GABRG2: variants seen among roughly 807,000 people sequenced by gnomAD.
GABRG2 encodes gamma-aminobutyric acid receptor subunit gamma-2.
Under a neutral mutation model 56.4 loss-of-function variants are expected in GABRG2, and 16 were observed. That is an observed-to-expected ratio of 0.28 (90% CI 0.19 to 0.43). GABRG2 has a LOEUF of 0.43. Among genes scored for constraint, GABRG2 ranks in the 20% least tolerant of loss-of-function variants. The pLI is 1.00. For missense variants in GABRG2, 327 were observed against 582.7 expected (o/e 0.56, Z 4.52); for synonymous variants, 208 against 205.5 (o/e 1.01, Z -0.10).
intron 6 of GABRG2, among the ~76,000 whole-genome samples, chr5:162,140,134 C>A (rs1345188706): frequency 6.6e-6 from 1 of 152,104 alleles, no homozygotes; most frequent in Non-Finnish European, 1.5e-5. Flanking sequence ...TAGATAAAAT[C>A]TATTATCATT....
intron 6 of GABRG2, among the ~76,000 whole-genome samples, chr5:162,136,969 G>A (rs964108263): frequency 6.6e-6 from 1 of 152,086 alleles, no homozygotes; most frequent in Admixed American, 6.5e-5. Flanking sequence ...GACCTCACAG[G>A]ACCTGGTTGG....
intron 1 of GABRG2, among the ~76,000 whole-genome samples, chr5:162,090,643 A>G (rs1235723091): frequency 6.6e-6 from 1 of 152,130 alleles, no homozygotes; most frequent in South Asian, 2.1e-4. Flanking sequence ...GATGACAAAA[A>G]TGTTTTTATT....
intron 4 of GABRG2, chr5:162,098,309 T>C (rs957612019): frequency 6.0e-6 from 1 of 167,750 alleles, no homozygotes; most frequent in African/African-American, 2.4e-5. Flanking sequence ...TTTCATCTCC[T>C]GGCACCCCAC....
At chr5:162,094,257 A>C (rs1760835180) in intron 2 of GABRG2, 1 of 431,464 alleles carries the variant, frequency 2.3e-6, no homozygotes. Context: ...AGGAAAAAAA[A>C]AACAATGACC....
At chr5:162,099,207 T>C (rs1273734351) in intron 4 of GABRG2, 3 of 152,212 alleles carry the variant, frequency 2.0e-5, no homozygotes, top group Admixed American at 2.0e-4. Flanking sequence ...TTCCAGGCAT[T>C]TTATATTTAT....
Position 162,097,685 on chromosome 5 carries a change from T to C in GABRG2, c.375T>C (p.Arg125=), listed in dbSNP as rs767423340. The stretch of plus-strand genomic sequence containing the variant: ...TTGCGCAAACGTGGTATGACAGACG[T>C]TTGAAATTTAACAGCACCATTAAAG... ...IFFAQTWYDR[R]LKFNSTIKVL... is the part of the protein sequence containing the mutation. The change falls in exon 4 of 10, where the codon CGT becomes CGC. Residue 125 remains arginine (R), a synonymous_variant. Coordinates refer to ENST00000639213, the MANE Select transcript of GABRG2 (RefSeq NM_198904.4). 1 of 1,613,778 alleles carries C rather than the reference T, an allele frequency of 6.2e-7. No homozygotes were observed. The highest frequency in any genetic ancestry group is 8.5e-7 in the Non-Finnish European group (1 of 1,179,814).
intron 1 of GABRG2, among the ~76,000 whole-genome samples, chr5:162,084,133 A>T (rs1161828582): frequency 1.3e-5 from 2 of 151,812 alleles, no homozygotes; most frequent in Non-Finnish European, 3.0e-5. Flanking sequence ...GCTAAAGACA[A>T]ATTAGAAATA....
chr5:162,149,491 T>C (rs1765205432), intron 8 of GABRG2, 178 bp downstream of exon 8: 2 of 731,896 alleles, frequency 2.7e-6, no homozygotes, highest in Non-Finnish European at 5.0e-6. Context: ...TGAGAGAGAC[T>C]CAAGTCTGTT....
intron 6 of GABRG2, among the ~76,000 whole-genome samples, chr5:162,105,410 C>G (rs1761731036): frequency 6.8e-6 from 1 of 146,084 alleles, no homozygotes; most frequent in Non-Finnish European, 1.5e-5. Flanking sequence ...GAAACCTGAC[C>G]ATCAAGTATT....
At position 162,155,482 on chromosome 5, in the gene GABRG2, C is replaced by T. The variant is rs1026860998; in HGVS notation, c.*2114C>T. 2 of 140,950 alleles carry T rather than the reference C, an allele frequency of 1.4e-5. No homozygotes were observed. The highest frequency in any genetic ancestry group is 3.1e-5 in the Non-Finnish European group (2 of 63,658). The allele number at this position is 140,950 out of a possible 1,614,324, so 8.7% of individuals were successfully genotyped here. On this transcript the variant is annotated 3_prime_UTR_variant, in exon 10 of 10. Transcript: ENST00000639213. ...GGAAACCTTTTCACAAAGGGAATTG[C>T]CTAACATGTGGACTTTTACAATAAA... is the stretch of plus-strand genomic sequence containing the variant.
At chr5:162,112,090 C>G (rs1270661356) in intron 6 of GABRG2, among the ~76,000 whole-genome samples, 5 of 152,042 alleles carry the variant, frequency 3.3e-5, no homozygotes, top group Non-Finnish European at 5.9e-5. Flanking sequence ...CCATTCAAAT[C>G]TGACTGTAAT....
At chr5:162,097,410 C>G (rs1244156511) in intron 3 of GABRG2, among the ~76,000 whole-genome samples, 1 of 152,078 alleles carries the variant, frequency 6.6e-6, no homozygotes, top group African/African-American at 2.4e-5. Flanking sequence ...CCTCTTTTGC[C>G]AGAACTCACT....
intron 1 of GABRG2, among the ~76,000 whole-genome samples, chr5:162,073,277 T>A (rs976136065): frequency 3.3e-5 from 5 of 151,756 alleles, no homozygotes; most frequent in East Asian, 1.9e-4. Context: ...GTTTTTTTTT[T>A]AATATAAGAG....
At chr5:162,068,246 A>C in intron 1 of GABRG2, 140 bp downstream of exon 1, 14 of 690,276 alleles carry the variant, frequency 2.0e-5, no homozygotes, top group East Asian at 5.6e-5. Flanking sequence ...GAGCGAATAT[A>C]TGGGGCGGGG....
In GABRG2 at chr5:162,095,769, A is replaced by G. The variant is rs553419567; in HGVS notation, c.327+207A>G. ...TTATGAGAATTAAATGGGACCATAT[A>G]TATAATTAATTTGTGTAAATATGCT... On this transcript the variant is annotated intron_variant, in intron 3 of 9. Transcript: ENST00000639213. Among the ~76,000 whole-genome samples the G allele has an allele frequency of 5.7e-4, 86 of 152,114 alleles. 1 individual carries two copies. Among genetic ancestry groups the G allele is most frequent in the Non-Finnish European group, 9.0e-4 (61 of 67,990 alleles).
At chr5:162,074,501 TGC>T in intron 1 of GABRG2, among the ~76,000 whole-genome samples, 1 of 152,022 alleles carries the variant, frequency 6.6e-6, no homozygotes, top group Non-Finnish European at 1.5e-5. Context: ...AGTGTGTATT[TGC>T]TTAAATACAT....
chr5:162,138,396 G>T (rs1764296795), intron 6 of GABRG2, among the ~76,000 whole-genome samples: 1 of 152,166 alleles, frequency 6.6e-6, no homozygotes, highest in South Asian at 2.1e-4. Flanking sequence ...AATGAGGGAT[G>T]CAAAAGCTAG....
At position 162,094,085 on chromosome 5, in the gene GABRG2, A is replaced by G. The variant is rs1351328188; in HGVS notation, c.259+106A>G. The G allele has an allele frequency of 7.2e-6, 9 of 1,256,432 alleles. No homozygotes were observed. The East Asian group carries it at 9.7e-5, about 14-fold the overall frequency. The allele number at this position is 1,256,432 out of a possible 1,614,324, so 77.8% of individuals were successfully genotyped here. A position where few individuals can be genotyped will look rare whatever the true frequency, so the allele number is the denominator to read the frequency against. ...TTCAAGAGCAAGGAAGATTTAAATT[A>G]TACTTTTTTATATGTTGTAAAAGTA... On this transcript the variant is annotated intron_variant, in intron 2 of 9. Coordinates refer to ENST00000639213, the MANE Select transcript of GABRG2 (RefSeq NM_198904.4).
Position 162,072,416 on chromosome 5 carries a change from T to C in GABRG2, c.107+4310T>C, listed in dbSNP as rs577343092. On this transcript the variant is annotated intron_variant, in intron 1 of 9. Coordinates refer to ENST00000639213, the MANE Select transcript of GABRG2 (RefSeq NM_198904.4). ...GCTGATTAAGAAGATTGAATTATAATGAAAAGTTATAATCAGAGTAGTTTG... is the reference window on the plus strand; with the variant it reads ...GCTGATTAAGAAGATTGAATTATAACGAAAAGTTATAATCAGAGTAGTTTG... 3.2e-3 allele frequency among the ~76,000 whole-genome samples: 483 copies of C among 152,144 alleles called. 1 individual carries two copies. The highest frequency in any genetic ancestry group is 0.011 in the African/African-American group (469 of 41,562).
Sources: gnomAD v4.1 joint callset for allele counts (sites outside exome capture counted in the v4.1 genomes callset) on GRCh38, gnomAD v4.1.1 for gene constraint, MANE v1.5 for transcripts, NCBI Gene and HGNC (gene_info 2026-07-23, HGNC 2026-07-21) for gene names.